The following HMGCLL1 variants were observed in gnomAD, a reference collection of about 807,000 sequenced individuals.
HMGCLL1 encodes 3-hydroxy-3-methylglutaryl-CoA lyase like 1, also known as 3-hydroxymethyl-3-methylglutaryl-CoA lyase, cytoplasmic.
In HMGCLL1, 36 loss-of-function variants were observed where a neutral mutation model predicts 39.1. The observed-to-expected ratio is 0.92, with a 90% CI of 0.71 to 1.22. The LOEUF (loss-of-function observed/expected upper bound fraction) is 1.22, where lower values mean the gene tolerates loss of function less well. Among genes scored for constraint, HMGCLL1 ranks in the 50% most tolerant of loss-of-function variants. HMGCLL1 has a pLI of 0.00. For missense variants in HMGCLL1, 451 were observed against 416.5 expected (o/e 1.08, Z -0.72); for synonymous variants, 149 against 144.0 (o/e 1.03, Z -0.25).
intron 4 of HMGCLL1, among the ~76,000 whole-genome samples, chr6:55,515,838 C>T (rs1408098997): frequency 2.0e-5 from 3 of 152,062 alleles, no homozygotes; most frequent in African/African-American, 7.2e-5. Flanking sequence ...CTCAACTTTA[C>T]ATAATATAGT....
chr6:55,507,910 A>C (rs761756277), intron 5 of HMGCLL1, among the ~76,000 whole-genome samples: 5 of 151,878 alleles, frequency 3.3e-5, no homozygotes, highest in Non-Finnish European at 5.9e-5. Flanking sequence ...TATAGTGCTA[A>C]AACTTTAATT....
intron 3 of HMGCLL1, among the ~76,000 whole-genome samples, chr6:55,522,189 T>A (rs2127442361): frequency 6.6e-6 from 1 of 152,104 alleles, no homozygotes; most frequent in African/African-American, 2.4e-5. Context: ...GATAAATTAT[T>A]ACTTTTTAGT....
At chr6:55,580,406 C>CTTTTTTTTT (rs145371462), upstream of HMGCLL1, among the ~76,000 whole-genome samples, 75 of 73,274 alleles carry the variant, frequency 1.0e-3, 2 homozygotes, top group Non-Finnish European at 1.2e-3. Context: ...TTTTTTCTTT[C>CTTTTTTTTT]TTTTTTTTTT....
the HMGCLL1 span, among the ~76,000 whole-genome samples, chr6:55,650,133 A>ATATAT: frequency 3.3e-3 from 221 of 67,190 alleles, 1 homozygote; most frequent in Admixed American, 6.0e-3. Context: ...ATATATATAT[A>ATATAT]TACACACACA....
intron 1 of HMGCLL1, among the ~76,000 whole-genome samples, chr6:55,567,163 G>A (rs1041803104): frequency 6.6e-6 from 1 of 151,854 alleles, no homozygotes; most frequent in African/African-American, 2.4e-5. Context: ...AACAAGGATG[G>A]GTATCCCAAG....
At chr6:55,439,149 A>G (rs1763488518) in intron 8 of HMGCLL1, among the ~76,000 whole-genome samples, 1 of 152,132 alleles carries the variant, frequency 6.6e-6, no homozygotes, top group South Asian at 2.1e-4. Context: ...TCCAACTCAC[A>G]AAGTGTATAA....
intron 8 of HMGCLL1, among the ~76,000 whole-genome samples, chr6:55,438,829 T>G (rs1203835959): frequency 6.6e-6 from 1 of 152,056 alleles, no homozygotes; most frequent in Non-Finnish European, 1.5e-5. Context: ...ATAAATCGGT[T>G]CTATAGACTA....
chr6:55,549,623 A>C (rs1770204993), intron 1 of HMGCLL1, among the ~76,000 whole-genome samples: 1 of 151,962 alleles, frequency 6.6e-6, no homozygotes, highest in African/African-American at 2.4e-5. Flanking sequence ...AGAGTTTTCA[A>C]GTTCAAACTC....
At chr6:55,552,947 G>T (rs551502615) in intron 1 of HMGCLL1, among the ~76,000 whole-genome samples, 10 of 151,862 alleles carry the variant, frequency 6.6e-5, no homozygotes, top group Non-Finnish European at 1.5e-4. Flanking sequence ...TTCAAGACCA[G>T]CCTGGCTAAC....
the HMGCLL1 span, among the ~76,000 whole-genome samples, chr6:55,612,550 A>G: frequency 2.0e-5 from 3 of 152,180 alleles, no homozygotes; most frequent in East Asian, 5.8e-4. Flanking sequence ...ACTTCAAACT[A>G]CACTACAAAG....
chr6:55,567,621 T>C (rs950904251), intron 1 of HMGCLL1, among the ~76,000 whole-genome samples: 4 of 151,958 alleles, frequency 2.6e-5, no homozygotes, highest in Non-Finnish European at 4.4e-5. Flanking sequence ...CAAGAAAAAA[T>C]TGCAGGGAAA....
intron 7 of HMGCLL1, among the ~76,000 whole-genome samples, chr6:55,453,058 G>A (rs576551797): frequency 6.6e-6 from 1 of 152,256 alleles, no homozygotes; most frequent in East Asian, 1.9e-4. Context: ...TATTGACAAG[G>A]GTGGGGAGAG....
chr6:55,584,796 C>G, the HMGCLL1 span, among the ~76,000 whole-genome samples: 1 of 151,676 alleles, frequency 6.6e-6, no homozygotes, highest in Admixed American at 6.6e-5. Context: ...TGACATGTAG[C>G]CAAGATACCT....
At chr6:55,444,188 G>A (rs1763720057) in intron 7 of HMGCLL1, among the ~76,000 whole-genome samples, 1 of 152,014 alleles carries the variant, frequency 6.6e-6, no homozygotes, top group African/African-American at 2.4e-5. Context: ...TAAATGAGTA[G>A]GAATATACAG....
In HMGCLL1 at chr6:55,439,635, G is replaced by GGTTCTTTT. The variant is rs1763514410; in HGVS notation, c.796-77_796-76insAAAAGAAC. On this transcript the variant is annotated intron_variant, in intron 7 of 8. Transcript: ENST00000274901. ...TTGTTGCATTTCTATTTAACCTATG[G>GGTTCTTTT]TAAACTGCAAATAAGCAAAATCTGA... The GGTTCTTTT allele has an allele frequency of 4.0e-6, 6 of 1,516,624 alleles. No individual in the cohort carries two copies. In the East Asian group the frequency reaches 6.9e-5, roughly 17 times the overall value. The allele number at this position is 1,516,624 out of a possible 1,614,324, so 93.9% of individuals were successfully genotyped here. A position where few individuals can be genotyped will look rare whatever the true frequency, so the allele number is the denominator to read the frequency against.
intron 7 of HMGCLL1, among the ~76,000 whole-genome samples, chr6:55,451,973 T>C (rs370856907): frequency 2.0e-5 from 3 of 152,178 alleles, no homozygotes; most frequent in African/African-American, 7.2e-5. Context: ...CTTCAGCATA[T>C]GGCATAATAC....
chr6:55,485,324 G>A (rs1482700206), intron 7 of HMGCLL1, among the ~76,000 whole-genome samples: 2 of 151,830 alleles, frequency 1.3e-5, no homozygotes, highest in African/African-American at 4.8e-5. Context: ...GTGTGTTGGG[G>A]GGGTGTTTTT....
intron 7 of HMGCLL1, among the ~76,000 whole-genome samples, chr6:55,493,196 A>G (rs1342594611): frequency 6.6e-6 from 1 of 152,108 alleles, no homozygotes; most frequent in Non-Finnish European, 1.5e-5. Flanking sequence ...CCAGTTCTGC[A>G]GGTATGTGAA....
At chr6:55,647,745 C>CTTTTTTTTTTTTTTTTTTTTTTT in the HMGCLL1 span, among the ~76,000 whole-genome samples, 45 of 115,860 alleles carry the variant, frequency 3.9e-4, no homozygotes, top group African/African-American at 8.4e-4. Flanking sequence ...TTTTTTTTTC[C>CTTTTTTTTTTTTTTTTTTTTTTT]TTTTTTTTTT....
Sources: allele counts gnomAD v4.1 joint callset (sites outside exome capture counted in the v4.1 genomes callset), GRCh38; gene constraint gnomAD v4.1.1; transcripts MANE v1.5; gene names NCBI Gene and HGNC (gene_info 2026-07-23, HGNC 2026-07-21).